Variants in DLGAP1 observed in about 807,000 individuals in gnomAD.
DLGAP1 encodes disks large-associated protein 1.
Under a neutral mutation model 90.8 loss-of-function variants are expected in DLGAP1, and 11 were observed. The observed-to-expected ratio is 0.12, with a 90% CI of 0.08 to 0.20. The LOEUF (loss-of-function observed/expected upper bound fraction) is 0.20. DLGAP1 is among the 10% of genes least tolerant of loss of function. The pLI, the probability that DLGAP1 is intolerant of heterozygous loss-of-function variation, is 1.00. For missense variants in DLGAP1, 1,050 were observed against 1,333.8 expected (o/e 0.79, Z 3.31); for synonymous variants, 558 against 540.7 (o/e 1.03, Z -0.44).
rs1215949079 is a variant in DLGAP1 at position 3,499,027 on chromosome 18, C to T, written c.*158G>A. On this transcript the variant is annotated 3_prime_UTR_variant, in exon 13 of 13. Transcript: ENST00000315677. The surrounding 1 kb of genome is among the most constrained non-coding windows in gnomAD (Gnocchi z 6.4). ...GGGAAGTGGGGGGCTGAGGGGGGCC[C>T]GGGGGGCGGCTCCTGCGAGGTGGAC... The T allele has an allele frequency of 3.3e-6, 2 of 613,496 alleles. No homozygotes were observed. The highest frequency in any genetic ancestry group is 5.2e-6 in the Non-Finnish European group (2 of 381,492). 38.0% of individuals were successfully genotyped at this position (613,496 alleles called of 1,614,324 possible).
intron 4 of DLGAP1, among the ~76,000 whole-genome samples, chr18:3,857,869 C>T (rs968646794): frequency 1.3e-5 from 2 of 152,134 alleles, no homozygotes; most frequent in African/African-American, 4.8e-5. Context: ...TGCCTTCATT[C>T]CTCCCTCTTC....
intron 10 of DLGAP1, among the ~76,000 whole-genome samples, chr18:3,533,142 A>C (rs1378350172): frequency 6.6e-6 from 1 of 152,136 alleles, no homozygotes; most frequent in African/African-American, 2.4e-5. Flanking sequence ...AAATACAAAA[A>C]TCAGCTGCAC....
chr18:4,284,268 T>C (rs1223425623), intron 1 of DLGAP1, among the ~76,000 whole-genome samples: 1 of 149,908 alleles, frequency 6.7e-6, no homozygotes, highest in African/African-American at 2.5e-5. Context: ...AGCAGAGGTA[T>C]AATGTCGGCT....
chr18:3,716,465 G>C (rs1221101337), intron 7 of DLGAP1, among the ~76,000 whole-genome samples: 1 of 152,212 alleles, frequency 6.6e-6, no homozygotes, highest in Non-Finnish European at 1.5e-5. Context: ...GAGCCCAGGA[G>C]GCTGATGCTG....
At chr18:3,504,982 G>T (rs1396569988) in intron 11 of DLGAP1, among the ~76,000 whole-genome samples, 1 of 152,124 alleles carries the variant, frequency 6.6e-6, no homozygotes, top group Non-Finnish European at 1.5e-5. Context: ...GCCAACTTTT[G>T]TCTACTCATT....
intron 1 of DLGAP1, among the ~76,000 whole-genome samples, chr18:4,402,801 T>G (rs1487913398): frequency 6.6e-6 from 1 of 152,190 alleles, no homozygotes; most frequent in African/African-American, 2.4e-5. Context: ...TGGCTTATTT[T>G]TTTCACCACA....
intron 1 of DLGAP1, among the ~76,000 whole-genome samples, chr18:4,334,125 G>A (rs1455959816): frequency 2.6e-5 from 4 of 151,342 alleles, no homozygotes; most frequent in Admixed American, 2.6e-4. Flanking sequence ...GTAATCCCAG[G>A]TACGTGGGAA....
intron 1 of DLGAP1, among the ~76,000 whole-genome samples, chr18:4,199,127 A>T (rs538947805): frequency 6.6e-6 from 1 of 152,212 alleles, no homozygotes; most frequent in African/African-American, 2.4e-5. Context: ...ATTGGAAAAG[A>T]GCGGAACATC....
In DLGAP1 at chr18:4,027,592, C is replaced by T. The variant is rs377274145; in HGVS notation, c.-158-22391G>A. Among the ~76,000 whole-genome samples the T allele has an allele frequency of 6.2e-4, 93 of 150,752 alleles. 1 individual carries two copies. In the South Asian group the frequency reaches 0.019, roughly 31 times the overall value. On this transcript the variant is annotated intron_variant, in intron 2 of 12. Transcript: ENST00000315677. ...GAGACGGCACACTTACCTAGTGAGC[C>T]CAGAGTCTGGGGCATGGTCAGGATG...
intron 1 of DLGAP1, among the ~76,000 whole-genome samples, chr18:4,340,507 C>T (rs912529833): frequency 6.6e-6 from 1 of 152,136 alleles, no homozygotes; most frequent in Non-Finnish European, 1.5e-5. Flanking sequence ...CTCTTAGTAA[C>T]AGCAACATTC....
chr18:4,058,025 A>T (rs2075247175), intron 2 of DLGAP1, among the ~76,000 whole-genome samples: 1 of 152,154 alleles, frequency 6.6e-6, no homozygotes, highest in African/African-American at 2.4e-5. Context: ...CACTAAGTAG[A>T]CCTGAGGCAC....
intron 5 of DLGAP1, among the ~76,000 whole-genome samples, chr18:3,788,851 C>A (rs1282041646): frequency 6.6e-6 from 1 of 152,156 alleles, no homozygotes; most frequent in East Asian, 1.9e-4. Context: ...ATTGTTACAG[C>A]CACCTAAAAA....
intron 1 of DLGAP1, among the ~76,000 whole-genome samples, chr18:4,217,876 G>A (rs888841848): frequency 3.3e-5 from 5 of 151,994 alleles, no homozygotes; most frequent in African/African-American, 1.2e-4. Context: ...AACCACAGAT[G>A]TATAAAAAGG....
At chr18:3,631,061 T>A (rs781108120) in intron 7 of DLGAP1, among the ~76,000 whole-genome samples, 6 of 152,066 alleles carry the variant, frequency 3.9e-5, no homozygotes, top group Admixed American at 2.0e-4. Context: ...GCTCATTGCA[T>A]CCTCTGCCTG....
intron 1 of DLGAP1, among the ~76,000 whole-genome samples, chr18:4,367,931 CAAAATTTGATGAATCTTGATGAATCA>C (rs144869180): frequency 0.016 from 2,507 of 152,094 alleles, 64 homozygotes; most frequent in African/African-American, 0.056. Flanking sequence ...CAACAATTTT[CAAAATTTGATGAATCTTGATGAATCA>C]AAAATTTGAT....
chr18:3,636,444 C>T (rs1395484474), intron 7 of DLGAP1, among the ~76,000 whole-genome samples: 2 of 151,796 alleles, frequency 1.3e-5, no homozygotes, highest in South Asian at 2.1e-4. Flanking sequence ...GACGGAGTCT[C>T]GCTATCTTCT....
intron 5 of DLGAP1, among the ~76,000 whole-genome samples, chr18:3,750,022 T>A (rs773948412): frequency 6.6e-6 from 1 of 152,206 alleles, no homozygotes; most frequent in Non-Finnish European, 1.5e-5. Flanking sequence ...TACATGAATA[T>A]ATTGTGTGTG....
chr18:3,779,333 C>G (rs2065082079), intron 5 of DLGAP1, among the ~76,000 whole-genome samples: 2 of 152,168 alleles, frequency 1.3e-5, no homozygotes, highest in African/African-American at 4.8e-5. Flanking sequence ...ACCTTGGCCT[C>G]CCAAAGTGCT....
chr18:4,156,805 A>AT (rs879835485), intron 1 of DLGAP1, among the ~76,000 whole-genome samples: 21 of 151,912 alleles, frequency 1.4e-4, no homozygotes, highest in Non-Finnish European at 2.2e-4. Context: ...GCACTTAAGA[A>AT]TTTTTTTTTG....
Sources: gnomAD v4.1 joint callset for allele counts (sites outside exome capture counted in the v4.1 genomes callset) on GRCh38, gnomAD v4.1.1 for gene constraint, Gnocchi (gnomAD v3.1) non-coding constraint, MANE v1.5 for transcripts, NCBI Gene and HGNC (gene_info 2026-07-23, HGNC 2026-07-21) for gene names.